Variants in NFIX observed in about 807,000 individuals in gnomAD.
NFIX encodes nuclear factor 1 X-type.
NFIX carries 2 observed loss-of-function variants against 53.3 expected under a neutral mutation model. The observed-to-expected ratio is 0.04, with a 90% CI of 0.02 to 0.12. The LOEUF (loss-of-function observed/expected upper bound fraction) is 0.12. Among genes scored for constraint, NFIX ranks in the 10% least tolerant of loss-of-function variants. The pLI is 1.00. For missense variants in NFIX, 310 were observed against 674.5 expected (o/e 0.46, Z 5.99); for synonymous variants, 244 against 289.0 (o/e 0.84, Z 1.58).
At chr19:13,023,949 C>A in intron 1 of NFIX, 2 of 654,054 alleles carry the variant, frequency 3.1e-6, no homozygotes, top group South Asian at 1.6e-5. Context: ...CTCCCCCCTC[C>A]CCCCACCCGC....
At position 13,072,826 on chromosome 19, in the gene NFIX, A is replaced by G. The variant is rs1336576691; in HGVS notation, c.560-221A>G. ...AGAGCAATCCAGGCCAAATGTCAGC[A>G]GTGCTGAGGCTGAGAAACCTGCACT... On this transcript the variant is annotated intron_variant, in intron 2 of 10. Coordinates refer to ENST00000592199, the MANE Select transcript of NFIX (RefSeq NM_001365902.3). The surrounding 1 kb of genome is among the most constrained non-coding windows in gnomAD (Gnocchi z 4.0). 6.6e-6 allele frequency among the ~76,000 whole-genome samples: 1 copy of G among 152,182 alleles called. No individual in the cohort carries two copies. Among genetic ancestry groups the G allele is most frequent in the Non-Finnish European group, 1.5e-5 (1 of 68,030 alleles).
rs1161282272 is a variant in NFIX, at chr19:13,022,822, C to A, written c.28-2199C>A. 1.3e-5 allele frequency among the ~76,000 whole-genome samples: 2 copies of A among 152,028 alleles called. No individual in the cohort carries two copies. The highest frequency in any genetic ancestry group is 2.9e-5 in the Non-Finnish European group (2 of 68,010). The stretch of plus-strand genomic sequence containing the variant: ...CAGTCCCCCCCAATGCCCCACCCCA[C>A]CCCCAGATTTGCTGGGTGGCTGCTG... On this transcript the variant is annotated intron_variant, in intron 1 of 10. Transcript: ENST00000592199. This position sits in a 1 kb window ranked among gnomAD's most constrained non-coding sequence, Gnocchi z 4.5.
intron 2 of NFIX, among the ~76,000 whole-genome samples, chr19:13,047,445 A>T (rs2015059620): frequency 6.6e-6 from 1 of 152,142 alleles, no homozygotes; most frequent in African/African-American, 2.4e-5. Flanking sequence ...TCCTCAGCTG[A>T]CACCCTCCTT....
chr19:13,090,294 C>T lies in NFIX; in HGVS notation c.1403-5C>T, dbSNP rs1370243073. ...GTCTCTCCCTCTCTCCCCTGCTCCC[C>T]ACAGCATTCGCAACGACAGGCGCCT... On this transcript the variant is annotated splice_polypyrimidine_tract_variant and splice_region_variant and intron_variant, in intron 9 of 10. Transcript: ENST00000592199. The surrounding 1 kb of genome is among the most constrained non-coding windows in gnomAD (Gnocchi z 6.6). 3.7e-6 allele frequency: 6 copies of T among 1,613,822 alleles called. No individual in the cohort carries two copies. The East Asian group carries it at 8.9e-5, about 24-fold the overall frequency.
rs189300824 is a variant in NFIX at position 13,027,588 on chromosome 19, C to T, written c.559+2036C>T. On this transcript the variant is annotated intron_variant, in intron 2 of 10. Transcript: ENST00000592199. This position sits in a 1 kb window ranked among gnomAD's most constrained non-coding sequence, Gnocchi z 4.3. ...CCTCTGAGCTGGCTTCCTCCAACCC[C>T]GCTCTCTGACTGGATCCTTGTAGCT... Among the ~76,000 whole-genome samples, 113 of 152,304 alleles carry T rather than the reference C, an allele frequency of 7.4e-4. No homozygotes were observed. Among genetic ancestry groups the T allele is most frequent in the African/African-American group, 2.6e-3 (107 of 41,552 alleles).
intron 7 of NFIX, among the ~76,000 whole-genome samples, chr19:13,080,987 G>A (rs542694180): frequency 2.0e-5 from 3 of 148,858 alleles, no homozygotes; most frequent in East Asian, 4.0e-4. Flanking sequence ...GTGAGAGAGC[G>A]AGACTCAGTC....
chr19:13,065,233 C>T (rs944978374), intron 2 of NFIX, among the ~76,000 whole-genome samples: 1 of 152,196 alleles, frequency 6.6e-6, no homozygotes, highest in African/African-American at 2.4e-5. Flanking sequence ...AAGGGCACCT[C>T]CCTGGGTAGG....
chr19:12,998,938 AC>A lies in NFIX; in HGVS notation c.27+3075del, dbSNP rs2011570851. ...ACCCCCAGCGCACACATAAACACTC[AC>A]AAACCCCTCGAGATGATACAGATAG... On this transcript the variant is annotated intron_variant, in intron 1 of 10. Coordinates refer to ENST00000592199, the MANE Select transcript of NFIX (RefSeq NM_001365902.3). This position sits in a 1 kb window ranked among gnomAD's most constrained non-coding sequence, Gnocchi z 4.4. Among the ~76,000 whole-genome samples, 1 of 152,074 alleles carries A rather than the reference AC, an allele frequency of 6.6e-6. No homozygotes were observed. Among genetic ancestry groups the A allele is most frequent in the South Asian group, 2.1e-4 (1 of 4,828 alleles).
In NFIX at chr19:13,096,957, AAAAAAAC is replaced by A. The variant is rs2018502836; in HGVS notation, c.*2314_*2320del. The A allele has an allele frequency of 6.6e-6, 1 of 150,926 alleles. No individual in the cohort carries two copies. Among genetic ancestry groups the A allele is most frequent in the Admixed American group, 6.6e-5 (1 of 15,190 alleles). The allele number at this position is 150,926 out of a possible 1,614,324, so 9.3% of individuals were successfully genotyped here. On this transcript the variant is annotated 3_prime_UTR_variant, in exon 11 of 11. Coordinates refer to ENST00000592199, the MANE Select transcript of NFIX (RefSeq NM_001365902.3). ...TGGGGACGTGTTAGGAGAGAAAAAA[AAAAAAAC>A]AAAAATATATATGGGGGAAATTAAC...
Position 13,023,090 on chromosome 19 carries a change from C to CTCTCTCTCTCTCTG in NFIX, c.28-1924_28-1923insCTCTCTGTCTCTCT, listed in dbSNP as rs1469039669. Among the ~76,000 whole-genome samples, 6 of 151,052 alleles carry CTCTCTCTCTCTCTG rather than the reference C, an allele frequency of 4.0e-5. No homozygotes were observed. In the East Asian group the frequency reaches 9.8e-4, roughly 25 times the overall value. On this transcript the variant is annotated intron_variant, in intron 1 of 10. Transcript: ENST00000592199. ...TCTCTTTCTCTCTCTCTCTCTCTCT[C>CTCTCTCTCTCTCTG]TCTCTCTGTCTCTTTCTCCCCCCAC...
In NFIX at chr19:13,073,014, C is replaced by G; in HGVS notation, c.560-33C>G. The stretch of plus-strand genomic sequence containing the variant: ...CTGGTGCTTATGGGGAACTTTGCTC[C>G]TGATACATTCTCCCCTTTTGTGTCT... On this transcript the variant is annotated intron_variant, in intron 2 of 10. Coordinates refer to ENST00000592199, the MANE Select transcript of NFIX (RefSeq NM_001365902.3). This position sits in a 1 kb window ranked among gnomAD's most constrained non-coding sequence, Gnocchi z 4.5. 1 of 1,609,588 alleles carries G rather than the reference C, an allele frequency of 6.2e-7. No homozygotes were observed. Among genetic ancestry groups the G allele is most frequent in the South Asian group, 1.1e-5 (1 of 91,004 alleles).
At position 13,094,817 on chromosome 19, in the gene NFIX, C is replaced by T. The variant is rs1200362935; in HGVS notation, c.*168C>T. On this transcript the variant is annotated 3_prime_UTR_variant, in exon 11 of 11. Coordinates refer to ENST00000592199, the MANE Select transcript of NFIX (RefSeq NM_001365902.3). The surrounding 1 kb of genome is among the most constrained non-coding windows in gnomAD (Gnocchi z 4.3). The stretch of plus-strand genomic sequence containing the variant: ...TTCTCTCCTCCAGCCCGGGGACCCC[C>T]GCGGGCCCCAGAAGCAGCCCAGTTC... 1.5e-6 allele frequency: 1 copy of T among 686,066 alleles called. No homozygotes were observed. The highest frequency in any genetic ancestry group is 2.4e-6 in the Non-Finnish European group (1 of 412,106). 42.5% of individuals were successfully genotyped at this position (686,066 alleles called of 1,614,324 possible).
intron 2 of NFIX, among the ~76,000 whole-genome samples, chr19:13,054,869 C>T (rs977376408): frequency 4.6e-5 from 7 of 152,186 alleles, no homozygotes; most frequent in Non-Finnish European, 8.8e-5. Flanking sequence ...CAGCCACAGT[C>T]ACACACAGAG....
chr19:13,024,714 G>GT, intron 1 of NFIX: 1 of 1,535,852 alleles, frequency 6.5e-7, no homozygotes, highest in Non-Finnish European at 8.7e-7. Context: ...GTCTGTGCGC[G>GT]TGTGTGTGAG....
rs1195584204 is a variant in NFIX at position 13,060,835 on chromosome 19, G to T, written c.560-12212G>T. On this transcript the variant is annotated intron_variant, in intron 2 of 10. Coordinates refer to ENST00000592199, the MANE Select transcript of NFIX (RefSeq NM_001365902.3). This position sits in a 1 kb window ranked among gnomAD's most constrained non-coding sequence, Gnocchi z 4.3. ...CCTTTCTCCACGCCCGCCCGGGAGGGTGTGCCCGCCCGGCTGCTGCCGCCA... is the reference window on the plus strand; with the variant it reads ...CCTTTCTCCACGCCCGCCCGGGAGGTTGTGCCCGCCCGGCTGCTGCCGCCA... Among the ~76,000 whole-genome samples the T allele has an allele frequency of 6.6e-6, 1 of 152,092 alleles. No homozygotes were observed. Among genetic ancestry groups the T allele is most frequent in the Non-Finnish European group, 1.5e-5 (1 of 68,002 alleles).
chr19:13,055,979 G>A (rs553674731), intron 2 of NFIX, among the ~76,000 whole-genome samples: 11 of 152,334 alleles, frequency 7.2e-5, no homozygotes, highest in African/African-American at 2.4e-4. Flanking sequence ...TTCCCTGTGC[G>A]TGTGAGTGGT....
chr19:13,061,921 G>T (rs1340621296), intron 2 of NFIX, among the ~76,000 whole-genome samples: 3 of 152,170 alleles, frequency 2.0e-5, no homozygotes, highest in Non-Finnish European at 2.9e-5. Flanking sequence ...AGGATTTGGA[G>T]CCTAGGCTTC....
At chr19:13,064,303 C>T (rs1284844054) in intron 2 of NFIX, among the ~76,000 whole-genome samples, 1 of 152,218 alleles carries the variant, frequency 6.6e-6, no homozygotes, top group Non-Finnish European at 1.5e-5. Context: ...CCAGGAGAGG[C>T]GCCTGGCCTG....
At chr19:13,058,662 A>T (rs1260611737) in intron 2 of NFIX, among the ~76,000 whole-genome samples, 2 of 151,862 alleles carry the variant, frequency 1.3e-5, no homozygotes, top group Admixed American at 6.6e-5. Context: ...ACTGCATTCC[A>T]GCCTGGGTGA....
Sources: gnomAD v4.1 joint callset for allele counts (sites outside exome capture counted in the v4.1 genomes callset) on GRCh38, gnomAD v4.1.1 for gene constraint, Gnocchi (gnomAD v3.1) non-coding constraint, MANE v1.5 for transcripts, NCBI Gene and HGNC (gene_info 2026-07-23, HGNC 2026-07-21) for gene names.